Variants in GPM6A observed in about 807,000 individuals in gnomAD.
The protein encoded by GPM6A is neuronal membrane glycoprotein M6-a.
A neutral mutation model predicts 32.1 loss-of-function variants in GPM6A; 7 were observed. The ratio of observed to expected loss-of-function variants is 0.22; its 90% CI spans 0.12 to 0.41. The LOEUF (loss-of-function observed/expected upper bound fraction) is 0.41. Among genes scored for constraint, GPM6A ranks in the 10% least tolerant of loss-of-function variants. GPM6A has a pLI of 1.00. For synonymous variants in GPM6A, 130 were observed against 123.4 expected, an observed-to-expected ratio of 1.05 and a Z score of -0.35; for missense variants, 235 against 347.2, an observed-to-expected ratio of 0.68 and a Z score of 2.57.
chr4:175,709,283 C>T (rs1467642328), intron 1 of GPM6A, among the ~76,000 whole-genome samples: 2 of 151,550 alleles, frequency 1.3e-5, no homozygotes, highest in African/African-American at 4.9e-5. Context: ...CCTCCCTCTG[C>T]CCCCTTTCTC....
intron 3 of GPM6A, among the ~76,000 whole-genome samples, chr4:175,671,467 G>A (rs1427060727): frequency 2.6e-5 from 1 of 38,112 alleles, no homozygotes; most frequent in East Asian, 1.4e-3. Context: ...GATACAATCT[G>A]CCTACAAACG....
chr4:175,831,715 C>CCTTT (rs1553993665), intron 1 of GPM6A, among the ~76,000 whole-genome samples: 2 of 69,938 alleles, frequency 2.9e-5, no homozygotes, highest in Non-Finnish European at 5.0e-5. Flanking sequence ...TTAGCCATCT[C>CCTTT]TTTTTTTTTT....
intron 4 of GPM6A, among the ~76,000 whole-genome samples, chr4:175,643,140 C>T (rs1741250982): frequency 1.3e-5 from 2 of 152,124 alleles, no homozygotes; most frequent in Admixed American, 6.5e-5. Context: ...TCATCCAAGC[C>T]ACCAAAATCT....
chr4:175,712,718 G>A (rs1209476012), intron 1 of GPM6A, among the ~76,000 whole-genome samples: 1 of 152,048 alleles, frequency 6.6e-6, no homozygotes, highest in African/African-American at 2.4e-5. Context: ...TTTTTTCTAT[G>A]CCTATGCTAG....
At chr4:175,922,616 A>C (rs1452311137) in intron 1 of GPM6A, among the ~76,000 whole-genome samples, 1 of 152,238 alleles carries the variant, frequency 6.6e-6, no homozygotes, top group African/African-American at 2.4e-5. Flanking sequence ...ATAATGAAAT[A>C]AAAGGAAGAA....
At chr4:175,984,843 G>A (rs1487670934) in intron 1 of GPM6A, among the ~76,000 whole-genome samples, 1 of 152,126 alleles carries the variant, frequency 6.6e-6, no homozygotes, top group Non-Finnish European at 1.5e-5. Flanking sequence ...GCATAAACCT[G>A]TTGTCCCATC....
At chr4:175,869,727 A>T (rs1736846266) in intron 1 of GPM6A, among the ~76,000 whole-genome samples, 1 of 152,126 alleles carries the variant, frequency 6.6e-6, no homozygotes, top group Non-Finnish European at 1.5e-5. Flanking sequence ...ACTGCACTCC[A>T]GCCTGGGTGA....
chr4:175,750,203 C>A (rs557581379), intron 1 of GPM6A, among the ~76,000 whole-genome samples: 1 of 152,146 alleles, frequency 6.6e-6, no homozygotes, highest in East Asian at 1.9e-4. Flanking sequence ...GGATTACAGG[C>A]GCATGCCACC....
At chr4:175,946,323 A>G (rs1256121210) in intron 1 of GPM6A, among the ~76,000 whole-genome samples, 4 of 152,178 alleles carry the variant, frequency 2.6e-5, no homozygotes, top group Non-Finnish European at 5.9e-5. Context: ...TCTTCCATTC[A>G]TTTATTCATT....
intron 1 of GPM6A, among the ~76,000 whole-genome samples, chr4:175,731,197 C>T (rs557036199): frequency 6.6e-6 from 1 of 152,270 alleles, no homozygotes; most frequent in East Asian, 1.9e-4. Flanking sequence ...TTTCAAAACT[C>T]TTTGTTCTGT....
intron 1 of GPM6A, among the ~76,000 whole-genome samples, chr4:175,771,573 A>T (rs78678913): frequency 0.052 from 7,849 of 150,498 alleles, 260 homozygotes; most frequent in Non-Finnish European, 0.059. Flanking sequence ...AAAAAAAAGA[A>T]TTTTCATAAA....
intron 1 of GPM6A, among the ~76,000 whole-genome samples, chr4:175,708,463 G>A (rs1560888096): frequency 6.6e-6 from 1 of 151,872 alleles, no homozygotes; most frequent in South Asian, 2.1e-4. Context: ...TTGGCTCACT[G>A]CAACCTCCGC....
chr4:175,667,432 A>G (rs1209380165), intron 3 of GPM6A, among the ~76,000 whole-genome samples: 1 of 152,188 alleles, frequency 6.6e-6, no homozygotes, highest in Non-Finnish European at 1.5e-5. Context: ...AAAGTCTTAG[A>G]AAATGTTGTA....
chr4:175,818,672 A>G (rs1460134239), intron 1 of GPM6A, among the ~76,000 whole-genome samples: 1 of 152,272 alleles, frequency 6.6e-6, no homozygotes, highest in Non-Finnish European at 1.5e-5. Flanking sequence ...TGGCTTACAC[A>G]TACCTTATCT....
At chr4:175,699,505 T>C (rs145259167) in intron 2 of GPM6A, among the ~76,000 whole-genome samples, 2 of 152,306 alleles carry the variant, frequency 1.3e-5, no homozygotes, top group African/African-American at 4.8e-5. Context: ...AACTTTCAAT[T>C]TGCTGTTAAT....
At chr4:175,848,065 G>C (rs989838938) in intron 1 of GPM6A, among the ~76,000 whole-genome samples, 1 of 152,060 alleles carries the variant, frequency 6.6e-6, no homozygotes, top group Non-Finnish European at 1.5e-5. Flanking sequence ...ATTTCTCTTT[G>C]CCTACCCTTA....
At chr4:175,800,863 T>C (rs1241602538) in intron 1 of GPM6A, 1 of 197,640 alleles carries the variant, frequency 5.1e-6, no homozygotes, top group Non-Finnish European at 1.2e-5. Context: ...GCTCTGAGAC[T>C]CCATTGAGTC....
chr4:175,885,109 T>C (rs1185616273), intron 1 of GPM6A, among the ~76,000 whole-genome samples: 1 of 152,292 alleles, frequency 6.6e-6, no homozygotes, highest in East Asian at 1.9e-4. Flanking sequence ...CTTTATAGTA[T>C]TCAAAACCTG....
chr4:175,641,090 G>A, intron 4 of GPM6A: 1 of 446,468 alleles, frequency 2.2e-6, no homozygotes, highest in Non-Finnish European at 4.0e-6. Context: ...AGAATTTCCA[G>A]ACTCAATTAT....
Sources: allele counts gnomAD v4.1 joint callset (sites outside exome capture counted in the v4.1 genomes callset), GRCh38; gene constraint gnomAD v4.1.1; transcripts MANE v1.5; gene names NCBI Gene and HGNC (gene_info 2026-07-23, HGNC 2026-07-21).